Variants in CHN1 observed in about 807,000 individuals in gnomAD.
CHN1 encodes the protein N-chimaerin.
A neutral mutation model predicts 59.5 loss-of-function variants in CHN1; 37 were observed. That is an observed-to-expected ratio of 0.62 (90% CI 0.48 to 0.82). CHN1 has a LOEUF of 0.82. Among genes scored for constraint, CHN1 ranks in the 40% least tolerant of loss-of-function variants. The probability of loss-of-function intolerance (pLI) is 0.00; values close to 1 mark genes in which losing one functional copy is unlikely to be tolerated. For synonymous variants in CHN1, 206 were observed against 200.4 expected, an observed-to-expected ratio of 1.03 and a Z score of -0.24; for missense variants, 469 against 571.0, an observed-to-expected ratio of 0.82 and a Z score of 1.82.
Position 174,987,886 on chromosome 2 carries a change from T to C in CHN1, c.19+17008A>G, listed in dbSNP as rs78451196. On this transcript the variant is annotated intron_variant, in intron 1 of 12. Transcript: ENST00000409900. The stretch of plus-strand genomic sequence containing the variant: ...TGTGTTGTCTTCTTAGACCTGGTTA[T>C]TGACAGTCAGTTTTACCTTATCCAG... Among the ~76,000 whole-genome samples the C allele has an allele frequency of 2.4e-3, 370 of 152,278 alleles. 11 individuals are homozygous for C. In the East Asian group the frequency reaches 0.066, roughly 27 times the overall value.
intron 7 of CHN1, among the ~76,000 whole-genome samples, chr2:174,832,296 C>A (rs561626195): frequency 2.0e-5 from 3 of 152,040 alleles, no homozygotes; most frequent in African/African-American, 7.2e-5. Flanking sequence ...TGTTTTTCTT[C>A]TTTTTCACTG....
At chr2:174,874,860 T>C (rs141995153) in intron 6 of CHN1, among the ~76,000 whole-genome samples, 2 of 140,622 alleles carry the variant, frequency 1.4e-5, no homozygotes, top group East Asian at 4.2e-4. Flanking sequence ...TTTTATTTAT[T>C]TTTTATTTAT....
intron 6 of CHN1, among the ~76,000 whole-genome samples, chr2:174,866,211 A>C (rs1265432339): frequency 2.0e-5 from 3 of 152,210 alleles, no homozygotes; most frequent in African/African-American, 7.2e-5. Flanking sequence ...AAAGAACCAG[A>C]TACTGTGGAT....
chr2:174,974,621 G>A (rs1234670806), intron 1 of CHN1, among the ~76,000 whole-genome samples: 1 of 151,908 alleles, frequency 6.6e-6, no homozygotes, highest in Non-Finnish European at 1.5e-5. Flanking sequence ...TTAAATATTG[G>A]CCTACTCTTC....
intron 3 of CHN1, among the ~76,000 whole-genome samples, chr2:174,943,682 C>A (rs961210028): frequency 2.6e-5 from 4 of 152,128 alleles, no homozygotes; most frequent in South Asian, 2.1e-4. Flanking sequence ...CACTCCTTAT[C>A]ATATTATTAT....
At chr2:174,923,750 C>T (rs1301678220) in intron 3 of CHN1, among the ~76,000 whole-genome samples, 4 of 152,182 alleles carry the variant, frequency 2.6e-5, no homozygotes, top group Admixed American at 6.5e-5. Context: ...AATAGTCTTA[C>T]AGTAAGTCCA....
chr2:174,915,813 C>A (rs1688832702), intron 4 of CHN1, among the ~76,000 whole-genome samples: 1 of 152,112 alleles, frequency 6.6e-6, no homozygotes, highest in Non-Finnish European at 1.5e-5. Flanking sequence ...GAACCTATAA[C>A]AATCTGGCAT....
chr2:174,944,779 T>G, intron 3 of CHN1, 109 bp downstream of exon 3: 1 of 656,526 alleles, frequency 1.5e-6, no homozygotes, highest in Non-Finnish European at 2.6e-6. Context: ...ATCATATCGA[T>G]TAGTGTTAAG....
chr2:174,879,125 G>C (rs890257828), intron 5 of CHN1, among the ~76,000 whole-genome samples: 2 of 152,202 alleles, frequency 1.3e-5, no homozygotes, highest in Non-Finnish European at 2.9e-5. Flanking sequence ...TAATTTCATT[G>C]TTAAAAGTAC....
chr2:174,905,831 T>C (rs1215278304), intron 5 of CHN1, among the ~76,000 whole-genome samples: 1 of 152,184 alleles, frequency 6.6e-6, no homozygotes, highest in African/African-American at 2.4e-5. Context: ...GTGCTGGGAT[T>C]ACAGGTGTGA....
intron 6 of CHN1, among the ~76,000 whole-genome samples, chr2:174,877,387 C>T (rs868122170): frequency 3.3e-5 from 5 of 151,972 alleles, no homozygotes; most frequent in Admixed American, 6.6e-5. Flanking sequence ...TACATACACA[C>T]ACACATAATA....
chr2:174,896,214 C>A (rs547499078), intron 5 of CHN1, among the ~76,000 whole-genome samples: 10 of 152,196 alleles, frequency 6.6e-5, no homozygotes, highest in East Asian at 3.9e-4. Context: ...TGAGGTAGAA[C>A]TGAATACTGC....
At chr2:174,928,160 A>G (rs1171787156) in intron 3 of CHN1, among the ~76,000 whole-genome samples, 3 of 152,182 alleles carry the variant, frequency 2.0e-5, no homozygotes, top group African/African-American at 7.2e-5. Flanking sequence ...CTAATTTCTT[A>G]TACTATAAAG....
chr2:174,967,062 C>A (rs780895254), intron 1 of CHN1, among the ~76,000 whole-genome samples: 23 of 152,026 alleles, frequency 1.5e-4, no homozygotes, highest in Non-Finnish European at 2.5e-4. Flanking sequence ...GTCTAAAATG[C>A]GGCTGGGTGC....
At chr2:174,862,562 A>C (rs183933576) in intron 6 of CHN1, among the ~76,000 whole-genome samples, 25 of 151,978 alleles carry the variant, frequency 1.6e-4, no homozygotes, top group Non-Finnish European at 3.1e-4. Context: ...CAATCTCCTA[A>C]CCTCGTGATC....
At chr2:174,998,186 C>T (rs1691772222) in intron 1 of CHN1, among the ~76,000 whole-genome samples, 1 of 150,498 alleles carries the variant, frequency 6.6e-6, no homozygotes, top group African/African-American at 2.4e-5. Flanking sequence ...GCCTATGGTC[C>T]CAGCTACTCA....
At chr2:174,955,196 ATATAATTGATATATATATATATC>A (rs55642044) in intron 1 of CHN1, among the ~76,000 whole-genome samples, 66,910 of 145,674 alleles carry the variant, frequency 0.46, 15,734 homozygotes, top group African/African-American at 0.54. Flanking sequence ...ATATATATAT[ATATAATTGATATATATATATATC>A]TATATAGATA....
intron 5 of CHN1, among the ~76,000 whole-genome samples, chr2:174,913,715 T>C (rs1457271897): frequency 6.6e-6 from 1 of 152,214 alleles, no homozygotes; most frequent in African/African-American, 2.4e-5. Flanking sequence ...ATTGTATTCA[T>C]TCTATTTAAT....
intron 8 of CHN1, among the ~76,000 whole-genome samples, chr2:174,817,828 G>T (rs1168380287): frequency 6.6e-6 from 1 of 151,974 alleles, no homozygotes; most frequent in African/African-American, 2.4e-5. Context: ...TAGTAGAGAC[G>T]GAGTTTCACC....
Sources: allele counts gnomAD v4.1 joint callset (sites outside exome capture counted in the v4.1 genomes callset), GRCh38; gene constraint gnomAD v4.1.1; transcripts MANE v1.5; gene names NCBI Gene and HGNC (gene_info 2026-07-23, HGNC 2026-07-21).